CACNA2D3: variants seen among roughly 807,000 people sequenced by gnomAD.
The protein encoded by CACNA2D3 is voltage-dependent calcium channel subunit alpha-2/delta-3.
Under a neutral mutation model 160.6 loss-of-function variants are expected in CACNA2D3, and 60 were observed. The ratio of observed to expected loss-of-function variants is 0.37; its 90% CI spans 0.30 to 0.46. CACNA2D3 has a LOEUF of 0.46. Ranked by LOEUF, CACNA2D3 falls within the 20% of genes least tolerant of loss-of-function variation. The pLI is 1.00. For synonymous variants in CACNA2D3, 558 were observed against 492.9 expected (o/e 1.13, Z -1.75); for missense variants, 1,205 against 1,365.0 (o/e 0.88, Z 1.85).
At chr3:54,622,368 C>T (rs1447347851) in intron 9 of CACNA2D3, among the ~76,000 whole-genome samples, 4 of 152,142 alleles carry the variant, frequency 2.6e-5, no homozygotes. Context: ...CTCTGCCTCC[C>T]GGGTTCACGC....
In CACNA2D3 at chr3:54,580,180, T is replaced by C. The variant is rs184472990; in HGVS notation, c.889-1623T>C. 2.8e-4 allele frequency among the ~76,000 whole-genome samples: 42 copies of C among 152,270 alleles called. No individual in the cohort carries two copies. In the East Asian group the frequency reaches 8.2e-3, roughly 30 times the overall value. On this transcript the variant is annotated intron_variant, in intron 8 of 37. Transcript: ENST00000474759. ...TCTGTAAAGGGTGAGTGATTGGACG[T>C]GCTTGCCAAACGGTGCTAAGATAAC...
At chr3:54,614,574 T>A (rs1399866796) in intron 9 of CACNA2D3, among the ~76,000 whole-genome samples, 1 of 152,166 alleles carries the variant, frequency 6.6e-6, no homozygotes, top group Non-Finnish European at 1.5e-5. Flanking sequence ...TCTTCAGTTA[T>A]TTTTTTCTCT....
chr3:54,279,684 G>C (rs138500302), intron 2 of CACNA2D3, among the ~76,000 whole-genome samples: 3 of 152,316 alleles, frequency 2.0e-5, no homozygotes, highest in African/African-American at 7.2e-5. Flanking sequence ...GAGTGTCTGA[G>C]TAGAGCTCTG....
At chr3:54,136,935 G>A (rs1699824746) in intron 2 of CACNA2D3, among the ~76,000 whole-genome samples, 1 of 152,180 alleles carries the variant, frequency 6.6e-6, no homozygotes, top group African/African-American at 2.4e-5. Flanking sequence ...GTTGTCTCTG[G>A]GAAGGCTTCT....
chr3:54,868,952 C>T (rs79660841), intron 17 of CACNA2D3, among the ~76,000 whole-genome samples: 2,255 of 152,320 alleles, frequency 0.015, 29 homozygotes, highest in Non-Finnish European at 0.026. Context: ...TTAATACTCT[C>T]AACCTTTCTT....
intron 14 of CACNA2D3, among the ~76,000 whole-genome samples, chr3:54,825,029 C>T (rs1703720895): frequency 6.6e-6 from 1 of 152,104 alleles, no homozygotes; most frequent in Non-Finnish European, 1.5e-5. Flanking sequence ...TTCAAAAATT[C>T]TCATTTATTT....
intron 30 of CACNA2D3, among the ~76,000 whole-genome samples, chr3:54,985,076 G>A (rs1454825305): frequency 6.6e-6 from 1 of 152,116 alleles, no homozygotes; most frequent in Non-Finnish European, 1.5e-5. Flanking sequence ...ACACATACAC[G>A]TATGTTTCTA....
intron 4 of CACNA2D3, among the ~76,000 whole-genome samples, chr3:54,438,087 G>T (rs1041206613): frequency 3.9e-5 from 6 of 152,098 alleles, no homozygotes; most frequent in Admixed American, 6.6e-5. Context: ...GAAGATGAAG[G>T]CTTGTTAACT....
At chr3:54,220,880 G>A (rs1023898569) in intron 2 of CACNA2D3, among the ~76,000 whole-genome samples, 1 of 152,180 alleles carries the variant, frequency 6.6e-6, no homozygotes, top group Admixed American at 6.5e-5. Flanking sequence ...TATAGAGTGC[G>A]TGACTGAGTG....
At chr3:54,574,101 C>G (rs894777601) in intron 8 of CACNA2D3, among the ~76,000 whole-genome samples, 1 of 152,146 alleles carries the variant, frequency 6.6e-6, no homozygotes, top group African/African-American at 2.4e-5. Flanking sequence ...CGAAAGAGGA[C>G]ATTATCATTT....
At chr3:54,356,071 C>T (rs1403475482) in intron 3 of CACNA2D3, among the ~76,000 whole-genome samples, 3 of 121,638 alleles carry the variant, frequency 2.5e-5, no homozygotes, top group South Asian at 2.9e-4. Context: ...TCCTGGCTGA[C>T]GTAATCTGTG....
intron 27 of CACNA2D3, among the ~76,000 whole-genome samples, chr3:54,958,653 G>T (rs1701961307): frequency 6.6e-6 from 1 of 152,158 alleles, no homozygotes; most frequent in South Asian, 2.1e-4. Flanking sequence ...TCATGTTGAT[G>T]GAGGTGGCCT....
chr3:54,903,922 A>G (rs2106896812), intron 27 of CACNA2D3, among the ~76,000 whole-genome samples: 1 of 152,138 alleles, frequency 6.6e-6, no homozygotes, highest in African/African-American at 2.4e-5. Context: ...TTCTCTTGTA[A>G]ATTTGTTTAA....
At chr3:54,725,366 C>G (rs367747574) in intron 11 of CACNA2D3, among the ~76,000 whole-genome samples, 2 of 152,152 alleles carry the variant, frequency 1.3e-5, no homozygotes, top group East Asian at 3.8e-4. Context: ...CCTTCTGAAA[C>G]TATTCCAATC....
At chr3:54,712,083 A>G (rs1700963429) in intron 11 of CACNA2D3, among the ~76,000 whole-genome samples, 1 of 152,172 alleles carries the variant, frequency 6.6e-6, no homozygotes, top group Non-Finnish European at 1.5e-5. Flanking sequence ...TCTACAACTT[A>G]CTTGTTAGGT....
chr3:54,328,920 C>T lies in CACNA2D3; in HGVS notation c.321+8362C>T, dbSNP rs959730792. 1.1e-4 allele frequency among the ~76,000 whole-genome samples: 16 copies of T among 152,178 alleles called. 1 individual carries two copies. The highest frequency in any genetic ancestry group is 4.6e-4 in the Admixed American group (7 of 15,278). Reference sequence around the variant, plus strand: ...TGGAGGAATCAGCTGGGAGCATCGGCGGCTCAATACCTAGGGACTGTGGTG... The same window carrying T: ...TGGAGGAATCAGCTGGGAGCATCGGTGGCTCAATACCTAGGGACTGTGGTG... On this transcript the variant is annotated intron_variant, in intron 3 of 37. Coordinates refer to ENST00000474759, the MANE Select transcript of CACNA2D3 (RefSeq NM_018398.3).
At position 54,507,974 on chromosome 3, in the gene CACNA2D3, C is replaced by G. The variant is rs530013439; in HGVS notation, c.544+4320C>G. 1.1e-4 allele frequency among the ~76,000 whole-genome samples: 16 copies of G among 152,316 alleles called. No individual in the cohort carries two copies. The South Asian group carries it at 3.1e-3, about 30-fold the overall frequency. ...AGTGCTGTGGTCTGAATGTTTGTGT[C>G]CTTCCAAAATTTGTATGTTGAAACC... On this transcript the variant is annotated intron_variant, in intron 5 of 37. Coordinates refer to ENST00000474759, the MANE Select transcript of CACNA2D3 (RefSeq NM_018398.3).
At chr3:54,167,984 T>G (rs148397490) in intron 2 of CACNA2D3, among the ~76,000 whole-genome samples, 3,464 of 152,310 alleles carry the variant, frequency 0.023, 49 homozygotes, top group Middle Eastern at 0.044. Flanking sequence ...TTCCATAGCT[T>G]CCTCTTCTTC....
At chr3:54,236,186 C>T (rs192546230) in intron 2 of CACNA2D3, among the ~76,000 whole-genome samples, 6 of 152,272 alleles carry the variant, frequency 3.9e-5, no homozygotes, top group Admixed American at 6.5e-5. Context: ...GAAACTGTCA[C>T]GGACAACAGG....
Sources: allele counts gnomAD v4.1 joint callset (sites outside exome capture counted in the v4.1 genomes callset), GRCh38; gene constraint gnomAD v4.1.1; transcripts MANE v1.5; gene names NCBI Gene and HGNC (gene_info 2026-07-23, HGNC 2026-07-21).